The following TRMT10A variants were observed in gnomAD, a reference collection of about 807,000 sequenced individuals.
TRMT10A encodes the protein tRNA methyltransferase 10A, also known as tRNA methyltransferase 10 homolog A.
Under a neutral mutation model 40.4 loss-of-function variants are expected in TRMT10A, and 37 were observed. The observed-to-expected ratio is 0.92, with a 90% confidence interval of 0.71 to 1.21. The LOEUF (loss-of-function observed/expected upper bound fraction) is 1.21, where lower values mean the gene tolerates loss of function less well. TRMT10A is among the 50% of genes most tolerant of loss of function. TRMT10A has a pLI of 0.00. For synonymous variants in TRMT10A, 103 were observed against 134.1 expected (o/e 0.77, Z 1.60); for missense variants, 388 against 404.3 (o/e 0.96, Z 0.35).
At chr4:99,561,624 C>T (rs1724401217) in intron 1 of TRMT10A, among the ~76,000 whole-genome samples, 1 of 152,160 alleles carries the variant, frequency 6.6e-6, no homozygotes, top group Non-Finnish European at 1.5e-5. Context: ...TCTACCAACT[C>T]GCACTGTCTA....
At chr4:99,557,885 TTA>T in intron 3 of TRMT10A, 162 bp downstream of exon 3, 1 of 618,856 alleles carries the variant, frequency 1.6e-6, no homozygotes, top group Admixed American at 3.5e-5. Flanking sequence ...CACATATTTA[TTA>T]TATCAATGCA....
chr4:99,564,035 G>A lies in TRMT10A; in HGVS notation c.-146C>T, dbSNP rs1017852424. Reference sequence around the variant, plus strand: ...TCCCAGAGGCAGGGGCGGTAGTTACGCAGTGGAGGCTACGGCGGTTGCGTC... The same window carrying A: ...TCCCAGAGGCAGGGGCGGTAGTTACACAGTGGAGGCTACGGCGGTTGCGTC... On this transcript the variant is annotated 5_prime_UTR_variant, in exon 1 of 8. Transcript: ENST00000394876. 1.3e-6 allele frequency: 2 copies of A among 1,525,960 alleles called. No individual in the cohort carries two copies. Among genetic ancestry groups the A allele is most frequent in the Non-Finnish European group, 1.8e-6 (2 of 1,138,828 alleles). 94.5% of individuals were successfully genotyped at this position (1,525,960 alleles called of 1,614,324 possible).
In TRMT10A at chr4:99,548,989, G is replaced by T; in HGVS notation, c.*99C>A. 1 of 1,292,336 alleles carries T rather than the reference G, an allele frequency of 7.7e-7. No individual in the cohort carries two copies. The highest frequency in any genetic ancestry group is 1.5e-5 in the African/African-American group (1 of 66,886). The allele number at this position is 1,292,336 out of a possible 1,614,324, so 80.1% of individuals were successfully genotyped here. ...AAAAAAGTTTTTAAAAATCACAACA[G>T]AAATAAGAGAAAATAAAATGTTCTT... On this transcript the variant is annotated 3_prime_UTR_variant, in exon 8 of 8. Coordinates refer to ENST00000394876, the MANE Select transcript of TRMT10A (RefSeq NM_001134665.3).
intron 6 of TRMT10A, among the ~76,000 whole-genome samples, chr4:99,552,084 T>C (rs1173615779): frequency 2.6e-5 from 4 of 152,082 alleles, no homozygotes; most frequent in Non-Finnish European, 5.9e-5. Context: ...AAAATTAAGT[T>C]TATAAAGTAA....
intron 5 of TRMT10A, among the ~76,000 whole-genome samples, chr4:99,554,899 T>C (rs1177299498): frequency 2.6e-5 from 4 of 152,162 alleles, no homozygotes; most frequent in African/African-American, 4.8e-5. Flanking sequence ...GTAAGCCACA[T>C]TGACTGCATA....
intron 3 of TRMT10A, 192 bp downstream of exon 3, chr4:99,557,847 CACACACACAT>C (rs1724226377): frequency 2.0e-6 from 1 of 507,154 alleles, no homozygotes; most frequent in Non-Finnish European, 3.4e-6. Context: ...CACATACTGA[CACACACACAT>C]ACACACATAT....
Position 99,547,387 on chromosome 4 carries a change from T to C in TRMT10A, c.*1701A>G, listed in dbSNP as rs1392374837. On this transcript the variant is annotated 3_prime_UTR_variant, in exon 8 of 8. Coordinates refer to ENST00000394876, the MANE Select transcript of TRMT10A (RefSeq NM_001134665.3). ...TTTCTGTTGTTTAAAGCCACCCAGT[T>C]TGTGGTAATTTGTTCTAGCACATCT... 6.6e-6 allele frequency: 1 copy of C among 152,192 alleles called. No homozygotes were observed. Among genetic ancestry groups the C allele is most frequent in the Non-Finnish European group, 1.5e-5 (1 of 68,024 alleles). The allele number at this position is 152,192 out of a possible 1,614,324, so 9.4% of individuals were successfully genotyped here.
intron 3 of TRMT10A, 48 bp from the exon 4 acceptor site, chr4:99,557,464 G>A: frequency 6.5e-7 from 1 of 1,542,418 alleles, no homozygotes. Flanking sequence ...AATTGTCTAT[G>A]GCCATTCTAT....
intron 1 of TRMT10A, among the ~76,000 whole-genome samples, chr4:99,561,846 C>A (rs1724410656): frequency 6.6e-6 from 1 of 152,098 alleles, no homozygotes; most frequent in African/African-American, 2.4e-5. Context: ...CAACCAAGTT[C>A]AACAAATGTT....
Position 99,548,551 on chromosome 4 carries a change from A to C in TRMT10A, c.*537T>G, listed in dbSNP as rs1560595783. ...TGCGCTCCATAGTCCAAAAGAAATG[A>C]ATTATTAAGTCTATCAAACTGATAC... is the stretch of plus-strand genomic sequence containing the variant. On this transcript the variant is annotated 3_prime_UTR_variant, in exon 8 of 8. Coordinates refer to ENST00000394876, the MANE Select transcript of TRMT10A (RefSeq NM_001134665.3). 1.3e-5 allele frequency: 2 copies of C among 152,352 alleles called. No homozygotes were observed. The highest frequency in any genetic ancestry group is 1.3e-4 in the Admixed American group (2 of 15,288). The allele number at this position is 152,352 out of a possible 1,614,324, so 9.4% of individuals were successfully genotyped here. A position where few individuals can be genotyped will look rare whatever the true frequency, so the allele number is the denominator to read the frequency against.
intron 1 of TRMT10A, among the ~76,000 whole-genome samples, chr4:99,563,017 C>T (rs1724507012): frequency 6.6e-6 from 1 of 152,110 alleles, no homozygotes. Flanking sequence ...GACGGGGTTT[C>T]ACCATGTTGG....
At chr4:99,551,250 G>A (rs898826154) in intron 6 of TRMT10A, among the ~76,000 whole-genome samples, 4 of 152,068 alleles carry the variant, frequency 2.6e-5, no homozygotes, top group Non-Finnish European at 5.9e-5. Flanking sequence ...GTTTCCTGCC[G>A]AGTTACAAAG....
rs1171260337 is a variant in TRMT10A, at chr4:99,549,206, C to T, written c.902G>A (p.Gly301Glu). 6.2e-7 allele frequency: 1 copy of T among 1,614,120 alleles called. No homozygotes were observed. The highest frequency in any genetic ancestry group is 2.2e-5 in the East Asian group (1 of 44,868). ...CTCCTCACTGGAATCACTGTCCGATCCACCTTCCTCCATCCTGACAGACTG... is the reference window on the plus strand; with the variant it reads ...CTCCTCACTGGAATCACTGTCCGATTCACCTTCCTCCATCCTGACAGACTG... ...DNQSVRMEEG[G>E]SDSDSSEEEY... The change falls in exon 8 of 8, where the codon GGA becomes GAA. Residue 301 changes from glycine (G) to glutamate (E), a missense_variant. Transcript: ENST00000394876.
intron 6 of TRMT10A, among the ~76,000 whole-genome samples, chr4:99,551,781 C>G (rs1447582773): frequency 6.6e-6 from 1 of 151,914 alleles, no homozygotes; most frequent in Non-Finnish European, 1.5e-5. Context: ...GTCATTACCC[C>G]TAAAGACCTT....
chr4:99,558,222 T>A lies in TRMT10A; in HGVS notation c.186-11A>T. 1 of 1,580,212 alleles carries A rather than the reference T, an allele frequency of 6.3e-7. No homozygotes were observed. On this transcript the variant is annotated splice_polypyrimidine_tract_variant and intron_variant, in intron 2 of 7. Coordinates refer to ENST00000394876, the MANE Select transcript of TRMT10A (RefSeq NM_001134665.3). ...TCTTTTCGCTTTTGTCTAAAATTAG[T>A]AATTGAAATAACATTTTGTTATTGT...
chr4:99,563,731 G>T lies in TRMT10A; in HGVS notation c.-24+182C>A. 3.3e-5 allele frequency: 13 copies of T among 392,952 alleles called. No individual in the cohort carries two copies. In the East Asian group the frequency reaches 6.3e-4, roughly 19 times the overall value. The allele number at this position is 392,952 out of a possible 1,614,324, so 24.3% of individuals were successfully genotyped here. A position where few individuals can be genotyped will look rare whatever the true frequency, so the allele number is the denominator to read the frequency against. ...CAGGGAGCAGCTGGGTAGGCCGCGG[G>T]GGGCGCCTGTCATCGACGTCATTTC... On this transcript the variant is annotated intron_variant, in intron 1 of 7. Coordinates refer to ENST00000394876, the MANE Select transcript of TRMT10A (RefSeq NM_001134665.3).
rs1724581372 is a variant in TRMT10A at position 99,563,972 on chromosome 4, T to C, written c.-83A>G. 4 of 1,261,848 alleles carry C rather than the reference T, an allele frequency of 3.2e-6. No individual in the cohort carries two copies. The highest frequency in any genetic ancestry group is 4.5e-6 in the Non-Finnish European group (4 of 898,702). The allele number at this position is 1,261,848 out of a possible 1,614,324, so 78.2% of individuals were successfully genotyped here. Reference sequence around the variant, plus strand: ...GAAAGAAAGCCTTTCTGGGTTGGCCTGGTTACGGCTCACGCTTCCTTCCAC... The same window carrying C: ...GAAAGAAAGCCTTTCTGGGTTGGCCCGGTTACGGCTCACGCTTCCTTCCAC... On this transcript the variant is annotated 5_prime_UTR_variant, in exon 1 of 8. Coordinates refer to ENST00000394876, the MANE Select transcript of TRMT10A (RefSeq NM_001134665.3).
At chr4:99,562,171 C>CAA (rs1217975062) in intron 1 of TRMT10A, among the ~76,000 whole-genome samples, 6 of 94,346 alleles carry the variant, frequency 6.4e-5, no homozygotes, top group African/African-American at 2.4e-4. Flanking sequence ...ACTCCGTCTC[C>CAA]AAAAAAAAAA....
At chr4:99,563,742 C>A in intron 1 of TRMT10A, 171 bp downstream of exon 1, 1 of 414,588 alleles carries the variant, frequency 2.4e-6, no homozygotes, top group South Asian at 1.9e-5. Flanking sequence ...GGGCGCCTGT[C>A]ATCGACGTCA....
Sources: allele counts gnomAD v4.1 joint callset (sites outside exome capture counted in the v4.1 genomes callset), GRCh38; gene constraint gnomAD v4.1.1; transcripts MANE v1.5; gene names NCBI Gene and HGNC (gene_info 2026-07-23, HGNC 2026-07-21).